Variants in GARIN5A observed in about 807,000 individuals in gnomAD.
GARIN5A encodes golgi associated RAB2 interactor 5A.
At chr19:50,468,615 T>C in the GARIN5A span, among the ~76,000 whole-genome samples, 2 of 151,990 alleles carry the variant, frequency 1.3e-5, no homozygotes, top group Non-Finnish European at 2.9e-5. Flanking sequence ...TTTTTGTTGG[T>C]TTTTGAGATA....
chr19:50,475,705 A>G, the GARIN5A span: 2 of 730,694 alleles, frequency 2.7e-6, no homozygotes, highest in Non-Finnish European at 4.7e-6. Context: ...GGTGTCAGAG[A>G]TCACATAGGA....
the GARIN5A span, among the ~76,000 whole-genome samples, chr19:50,471,976 ATG>A: frequency 2.6e-4 from 38 of 148,398 alleles, no homozygotes; most frequent in South Asian, 4.0e-3. Context: ...ATATACATGT[ATG>A]TGTGTATATG....
the GARIN5A span, chr19:50,475,398 G>C: frequency 3.7e-6 from 6 of 1,611,274 alleles, no homozygotes; most frequent in Non-Finnish European, 4.2e-6. Flanking sequence ...TCCAGGGCTG[G>C]ACTGGAGGCT....
At chr19:50,474,176 TTCTC>T in the GARIN5A span, among the ~76,000 whole-genome samples, 1 of 106,980 alleles carries the variant, frequency 9.3e-6, no homozygotes, top group Non-Finnish European at 1.9e-5. Context: ...TTCTTTTTTA[TTCTC>T]TCTTTTTTTT....
the GARIN5A span, chr19:50,475,467 G>A: frequency 7.8e-3 from 12,465 of 1,598,482 alleles, 81 homozygotes; most frequent in Non-Finnish European, 9.2e-3. Flanking sequence ...TGGGGCCAGA[G>A]GTCAGAGGTC....
At chr19:50,471,834 ATATC>A in the GARIN5A span, among the ~76,000 whole-genome samples, 2 of 144,050 alleles carry the variant, frequency 1.4e-5, no homozygotes, top group South Asian at 2.1e-4. Flanking sequence ...ATACGCATAC[ATATC>A]TGTGTGCATA....
At chr19:50,476,454 C>T in the GARIN5A span, 6 of 1,562,148 alleles carry the variant, frequency 3.8e-6, no homozygotes, top group Admixed American at 7.2e-5. Context: ...CCAGCGCAGG[C>T]GCACGGGCGT....
chr19:50,473,650 A>G, the GARIN5A span, among the ~76,000 whole-genome samples: 1 of 151,892 alleles, frequency 6.6e-6, no homozygotes, highest in African/African-American at 2.4e-5. Context: ...ATGAGTCACC[A>G]TACCCGGCAT....
chr19:50,474,150 TC>T, the GARIN5A span, among the ~76,000 whole-genome samples: 4 of 149,320 alleles, frequency 2.7e-5, no homozygotes, highest in African/African-American at 9.9e-5. Context: ...CATTACTTTT[TC>T]TTTTCTCTTT....
At chr19:50,475,037 G>A in the GARIN5A span, among the ~76,000 whole-genome samples, 3 of 152,156 alleles carry the variant, frequency 2.0e-5, no homozygotes, top group Admixed American at 6.5e-5. Flanking sequence ...TCGTATGCGC[G>A]GCCTAGGGGC....
the GARIN5A span, among the ~76,000 whole-genome samples, chr19:50,472,234 A>G: frequency 4.2e-5 from 3 of 71,718 alleles, no homozygotes; most frequent in African/African-American, 2.2e-4. Context: ...ATATACATGT[A>G]TGTGTGTATT....
the GARIN5A span, chr19:50,476,821 C>T: frequency 1.9e-6 from 1 of 537,544 alleles, no homozygotes; most frequent in Non-Finnish European, 3.2e-6. Context: ...CAGGAGGGGC[C>T]TCGCCAGTGC....
At chr19:50,471,935 TGTGTAA>T in the GARIN5A span, among the ~76,000 whole-genome samples, 340 of 148,964 alleles carry the variant, frequency 2.3e-3, 6 homozygotes, top group Non-Finnish European at 3.8e-3. Context: ...TACATGTATG[TGTGTAA>T]GTATATATAC....
chr19:50,475,805 G>C, the GARIN5A span: 1 of 1,518,746 alleles, frequency 6.6e-7, no homozygotes, highest in Non-Finnish European at 9.1e-7. Flanking sequence ...GCCGAGGCTG[G>C]GGATGAGGGG....
the GARIN5A span, among the ~76,000 whole-genome samples, chr19:50,468,718 C>T: frequency 6.6e-6 from 1 of 152,134 alleles, no homozygotes; most frequent in African/African-American, 2.4e-5. Context: ...ATCCTCTTGC[C>T]TCGGCCTCCA....
chr19:50,472,289 GTGTATATA>G, the GARIN5A span, among the ~76,000 whole-genome samples: 1 of 151,382 alleles, frequency 6.6e-6, no homozygotes. Flanking sequence ...ACATGTATGT[GTGTATATA>G]TGTATATATA....
chr19:50,474,564 C>G, the GARIN5A span, among the ~76,000 whole-genome samples: 2 of 152,158 alleles, frequency 1.3e-5, no homozygotes, highest in Non-Finnish European at 2.9e-5. Flanking sequence ...CCAGGATGGT[C>G]TCGTTCTCTT....
the GARIN5A span, chr19:50,475,832 C>A: frequency 1.9e-6 from 3 of 1,610,268 alleles, no homozygotes; most frequent in Non-Finnish European, 2.5e-6. Flanking sequence ...GGGCTCCCTA[C>A]CTGTACGAAG....
At chr19:50,475,192 C>T in the GARIN5A span, 1 of 1,327,092 alleles carries the variant, frequency 7.5e-7, no homozygotes, top group Admixed American at 2.8e-5. Context: ...GGGTAGATGG[C>T]AGCTCAGGGA....
Sources: gnomAD v4.1 joint callset for allele counts (sites outside exome capture counted in the v4.1 genomes callset) on GRCh38, gnomAD v4.1.1 for gene constraint, MANE v1.5 for transcripts, NCBI Gene and HGNC (gene_info 2026-07-23, HGNC 2026-07-21) for gene names.